Variants in TENT4B observed in about 807,000 individuals in gnomAD.
TENT4B encodes the protein PAP associated domain containing 5.
In TENT4B, 10 loss-of-function variants were observed where a neutral mutation model predicts 75.0. That is an observed-to-expected ratio of 0.13 (90% CI 0.08 to 0.23). The LOEUF (loss-of-function observed/expected upper bound fraction) is 0.23. Ranked by LOEUF, TENT4B falls within the 10% of genes least tolerant of loss-of-function variation. TENT4B has a pLI of 1.00. For synonymous variants in TENT4B, 350 were observed against 357.7 expected (o/e 0.98, Z 0.24); for missense variants, 579 against 893.8 (o/e 0.65, Z 4.49).
intron 5 of TENT4B, among the ~76,000 whole-genome samples, chr16:50,221,943 T>C (rs1450776780): frequency 6.6e-6 from 1 of 152,126 alleles, no homozygotes; most frequent in Admixed American, 6.5e-5. Flanking sequence ...TTTGTATTTT[T>C]AGTAGAGATA....
chr16:50,195,271 C>G (rs927783654), intron 1 of TENT4B, among the ~76,000 whole-genome samples: 1 of 152,164 alleles, frequency 6.6e-6, no homozygotes, highest in African/African-American at 2.4e-5. Flanking sequence ...ATGCTTTGTC[C>G]TGGTGATACC....
rs573737342 is a variant in TENT4B at position 50,170,651 on chromosome 16, G to T, written c.638+16392G>T. Among the ~76,000 whole-genome samples, 3 of 151,878 alleles carry T rather than the reference G, an allele frequency of 2.0e-5. No homozygotes were observed. The East Asian group carries it at 5.8e-4, about 30-fold the overall frequency. ...GTCAGTAGACAAAGCTATCTCTCAGGCCTGGGCAAGATAGGGATTTTTTTT... is the reference window on the plus strand; with the variant it reads ...GTCAGTAGACAAAGCTATCTCTCAGTCCTGGGCAAGATAGGGATTTTTTTT... On this transcript the variant is annotated intron_variant, in intron 1 of 11. Transcript: ENST00000561678.
At chr16:50,155,985 A>G (rs1046519545) in intron 1 of TENT4B, among the ~76,000 whole-genome samples, 2 of 152,028 alleles carry the variant, frequency 1.3e-5, no homozygotes, top group African/African-American at 4.8e-5. Context: ...CCTCTCCTCT[A>G]CTTGCTATTT....
chr16:50,173,767 C>T (rs1047532136), intron 1 of TENT4B, among the ~76,000 whole-genome samples: 3 of 152,134 alleles, frequency 2.0e-5, no homozygotes, highest in African/African-American at 7.2e-5. Flanking sequence ...AATCTTGGCT[C>T]ACTGCAACCT....
At chr16:50,223,719 A>G (rs1362575083) in intron 7 of TENT4B, among the ~76,000 whole-genome samples, 1 of 152,224 alleles carries the variant, frequency 6.6e-6, no homozygotes, top group Non-Finnish European at 1.5e-5. Flanking sequence ...AATTGTCAGC[A>G]ATTAATGAGG....
intron 6 of TENT4B, 132 bp from the exon 7 acceptor site, chr16:50,223,042 C>T: frequency 1.5e-6 from 1 of 656,088 alleles, no homozygotes; most frequent in South Asian, 2.1e-5. Flanking sequence ...GCTGTTAGCC[C>T]ATTATCAACT....
chr16:50,167,863 G>A (rs539384206), intron 1 of TENT4B, among the ~76,000 whole-genome samples: 4 of 152,200 alleles, frequency 2.6e-5, no homozygotes, highest in East Asian at 1.9e-4. Flanking sequence ...CACCATGTTT[G>A]TCAGGTTGGT....
chr16:50,212,672 T>TC (rs2150735461), intron 2 of TENT4B, among the ~76,000 whole-genome samples: 1 of 152,302 alleles, frequency 6.6e-6, no homozygotes, highest in South Asian at 2.1e-4. Context: ...GCATTCTTTC[T>TC]CCTATGTGAT....
At chr16:50,184,698 A>C (rs933339054) in intron 1 of TENT4B, among the ~76,000 whole-genome samples, 5 of 151,882 alleles carry the variant, frequency 3.3e-5, no homozygotes, top group Non-Finnish European at 7.4e-5. Flanking sequence ...TAATGCTGCC[A>C]TCATGCTTGA....
At chr16:50,176,825 T>C (rs1319804085) in intron 1 of TENT4B, among the ~76,000 whole-genome samples, 1 of 151,806 alleles carries the variant, frequency 6.6e-6, no homozygotes, top group Non-Finnish European at 1.5e-5. Context: ...TTTACGTATA[T>C]TGTTAGATTC....
At chr16:50,222,696 A>C (rs192021841) in intron 6 of TENT4B, among the ~76,000 whole-genome samples, 1 of 152,238 alleles carries the variant, frequency 6.6e-6, no homozygotes, top group South Asian at 2.1e-4. Context: ...TTAACATGCA[A>C]AATGTACGGC....
intron 1 of TENT4B, among the ~76,000 whole-genome samples, chr16:50,169,387 GTTTTTT>G (rs552275205): frequency 2.5e-3 from 165 of 65,790 alleles, no homozygotes; most frequent in South Asian, 0.02. Context: ...GATTTTGTGG[GTTTTTT>G]TTTTTTTTTT....
intron 1 of TENT4B, among the ~76,000 whole-genome samples, chr16:50,193,433 G>A (rs898678748): frequency 2.0e-5 from 3 of 151,400 alleles, no homozygotes; most frequent in African/African-American, 7.3e-5. Context: ...TGCCTCCTGG[G>A]CTCAAGCAAT....
chr16:50,169,667 A>T (rs1240858394), intron 1 of TENT4B, among the ~76,000 whole-genome samples: 1 of 152,118 alleles, frequency 6.6e-6, no homozygotes, highest in Non-Finnish European at 1.5e-5. Context: ...GCTAAGGGTG[A>T]AAAAGGAAAT....
At chr16:50,207,957 T>C (rs916280550) in intron 1 of TENT4B, among the ~76,000 whole-genome samples, 12 of 152,220 alleles carry the variant, frequency 7.9e-5, no homozygotes, top group African/African-American at 2.9e-4. Context: ...TATTTTAAAA[T>C]CTGTACTTGA....
chr16:50,211,494 G>A (rs751760466), intron 2 of TENT4B, 48 bp downstream of exon 2: 25 of 1,491,206 alleles, frequency 1.7e-5, no homozygotes, highest in South Asian at 7.3e-5. Flanking sequence ...CCTTGTCCAC[G>A]GGCTAGAAGC....
chr16:50,201,123 A>G (rs1454006448), intron 1 of TENT4B, among the ~76,000 whole-genome samples: 2 of 152,118 alleles, frequency 1.3e-5, no homozygotes, highest in Non-Finnish European at 2.9e-5. Context: ...TTATTTGTTA[A>G]TTTTGAAAAA....
At chr16:50,216,622 T>A (rs2150739602) in intron 4 of TENT4B, among the ~76,000 whole-genome samples, 1 of 152,350 alleles carries the variant, frequency 6.6e-6, no homozygotes, top group East Asian at 1.9e-4. Flanking sequence ...TGCATTTCTT[T>A]TCACAGCAGC....
chr16:50,225,035 C>T, intron 9 of TENT4B, 41 bp downstream of exon 9: 1 of 1,608,582 alleles, frequency 6.2e-7, no homozygotes, highest in South Asian at 1.1e-5. Context: ...GTATTAGAGG[C>T]TTTTCTGTGT....
Sources: gnomAD v4.1 joint callset for allele counts (sites outside exome capture counted in the v4.1 genomes callset) on GRCh38, gnomAD v4.1.1 for gene constraint, MANE v1.5 for transcripts, NCBI Gene and HGNC (gene_info 2026-07-23, HGNC 2026-07-21) for gene names.